The following SLC14A2 variants were observed in gnomAD, a reference collection of about 807,000 sequenced individuals.
SLC14A2 encodes solute carrier family 14 member 2, also known as urea transporter 2.
In SLC14A2, 91 loss-of-function variants were observed where a neutral mutation model predicts 104.6. That is an observed-to-expected ratio of 0.87 (90% CI 0.73 to 1.04). The LOEUF is 1.04. SLC14A2 is among the 50% of genes least tolerant of loss of function. The pLI, the probability that SLC14A2 is intolerant of heterozygous loss-of-function variation, is 0.00. For missense variants in SLC14A2, 1,189 were observed against 1,156.0 expected (o/e 1.03, Z -0.41); for synonymous variants, 476 against 466.4 (o/e 1.02, Z -0.27).
intron 1 of SLC14A2, among the ~76,000 whole-genome samples, chr18:45,412,961 G>A (rs769312724): frequency 3.3e-5 from 5 of 152,198 alleles, no homozygotes; most frequent in Non-Finnish European, 7.3e-5. Flanking sequence ...AAGCAAAAGT[G>A]CGGGGACCAG....
intron 1 of SLC14A2, among the ~76,000 whole-genome samples, chr18:45,259,939 T>G (rs928876629): frequency 2.6e-5 from 4 of 152,186 alleles, no homozygotes; most frequent in Non-Finnish European, 5.9e-5. Flanking sequence ...TGAATTTGTC[T>G]TCTCAGATAT....
intron 1 of SLC14A2, among the ~76,000 whole-genome samples, chr18:45,474,102 T>C (rs1304428443): frequency 6.6e-6 from 1 of 152,236 alleles, no homozygotes; most frequent in African/African-American, 2.4e-5. Context: ...TGTTGAATTT[T>C]ATTGAAGGCC....
chr18:45,634,961 G>C (rs922683001), intron 5 of SLC14A2: 4 of 445,096 alleles, frequency 9.0e-6, no homozygotes, highest in African/African-American at 4.0e-5. Context: ...TAAGAAGTGA[G>C]TGGGTCTGGG....
At chr18:45,181,799 GTTTAC>G in the SLC14A2 span, among the ~76,000 whole-genome samples, 35,499 of 151,830 alleles carry the variant, frequency 0.23, 4,432 homozygotes, top group Non-Finnish European at 0.3. Context: ...CAGAAAAACA[GTTTAC>G]TTTAATATAT....
intron 1 of SLC14A2, among the ~76,000 whole-genome samples, chr18:45,378,928 C>T (rs559039556): frequency 1.3e-5 from 2 of 152,100 alleles, no homozygotes; most frequent in Non-Finnish European, 2.9e-5. Flanking sequence ...GCATTTTGAT[C>T]AAATCAGCCT....
At chr18:45,227,301 G>C (rs2084129205) in intron 1 of SLC14A2, among the ~76,000 whole-genome samples, 1 of 152,122 alleles carries the variant, frequency 6.6e-6, no homozygotes, top group Non-Finnish European at 1.5e-5. Flanking sequence ...TGGTCAAAAA[G>C]AAGGACAAAA....
chr18:45,219,587 A>G (rs1485066297), intron 1 of SLC14A2, among the ~76,000 whole-genome samples: 1 of 152,246 alleles, frequency 6.6e-6, no homozygotes, highest in East Asian at 1.9e-4. Context: ...ATGCATTTGC[A>G]AAATAGCAAA....
intron 1 of SLC14A2, among the ~76,000 whole-genome samples, chr18:45,444,266 G>C (rs2086728315): frequency 6.6e-6 from 1 of 152,168 alleles, no homozygotes; most frequent in Non-Finnish European, 1.5e-5. Flanking sequence ...CTGAAGCTCT[G>C]CTCCTGCTTT....
At chr18:45,260,687 T>A (rs764369887) in intron 1 of SLC14A2, among the ~76,000 whole-genome samples, 9 of 152,162 alleles carry the variant, frequency 5.9e-5, no homozygotes, top group Non-Finnish European at 1.2e-4. Flanking sequence ...GAGGGCATTA[T>A]CCTTGAATTA....
intron 1 of SLC14A2, among the ~76,000 whole-genome samples, chr18:45,356,306 A>G (rs1455645831): frequency 6.6e-6 from 1 of 152,224 alleles, no homozygotes; most frequent in Non-Finnish European, 1.5e-5. Flanking sequence ...TGGATATAGA[A>G]CAGCCTTGTT....
intron 1 of SLC14A2, among the ~76,000 whole-genome samples, chr18:45,424,882 C>A (rs1008642802): frequency 1.3e-4 from 20 of 152,018 alleles, no homozygotes; most frequent in African/African-American, 4.8e-4. Flanking sequence ...ATTTAAAAAC[C>A]ATTACCTCAT....
intron 1 of SLC14A2, among the ~76,000 whole-genome samples, chr18:45,477,715 A>T (rs1264785122): frequency 6.6e-6 from 1 of 152,220 alleles, no homozygotes; most frequent in African/African-American, 2.4e-5. Context: ...CAGTCTGGCT[A>T]CAGCAGCTTT....
chr18:45,636,546 T>C (rs1255097821), intron 5 of SLC14A2, among the ~76,000 whole-genome samples: 1 of 152,222 alleles, frequency 6.6e-6, no homozygotes, highest in African/African-American at 2.4e-5. Context: ...CCATATGCCA[T>C]TGCAGCCTCC....
At chr18:45,620,020 C>T (rs986556292) in intron 1 of SLC14A2, among the ~76,000 whole-genome samples, 1 of 152,206 alleles carries the variant, frequency 6.6e-6, no homozygotes, top group South Asian at 2.1e-4. Context: ...GTGCTCCTTC[C>T]GGATGCGGAG....
intron 1 of SLC14A2, among the ~76,000 whole-genome samples, chr18:45,334,681 G>T (rs1297636582): frequency 6.6e-6 from 1 of 152,114 alleles, no homozygotes; most frequent in Non-Finnish European, 1.5e-5. Context: ...CATAAAATAG[G>T]TTAAAAATTT....
intron 16 of SLC14A2, 83 bp from the exon 17 acceptor site, chr18:45,672,817 G>A: frequency 7.7e-7 from 1 of 1,306,170 alleles, no homozygotes. Context: ...AGTGGGAAGG[G>A]TTCAGTGCCA....
At chr18:45,392,089 GGGACACGCAGAAA>G (rs1568179881) in intron 1 of SLC14A2, among the ~76,000 whole-genome samples, 1 of 152,184 alleles carries the variant, frequency 6.6e-6, no homozygotes, top group African/African-American at 2.4e-5. Context: ...AACTTGTCCT[GGGACACGCAGAAA>G]GTAGTGAAAG....
In SLC14A2 at chr18:45,667,916, ATCC is replaced by A. The variant is rs758003278; in HGVS notation, c.1804_1806del (p.Leu602del). On this transcript the variant is annotated inframe_deletion, in exon 14 of 20. Transcript: ENST00000255226. ...GTTTGTGAACAACCCCCTCAGCGGC[ATCC>A]TCATCATCCTCGGCCTCTTCATCCA... 6.2e-7 allele frequency: 1 copy of A among 1,614,074 alleles called. No individual in the cohort carries two copies.
intron 2 of SLC14A2, among the ~76,000 whole-genome samples, chr18:45,549,229 C>T (rs148254967): frequency 6.6e-6 from 1 of 152,250 alleles, no homozygotes; most frequent in Non-Finnish European, 1.5e-5. Context: ...TCCATCAATG[C>T]TCTGCCTTCG....
Sources: allele counts gnomAD v4.1 joint callset (sites outside exome capture counted in the v4.1 genomes callset), GRCh38; gene constraint gnomAD v4.1.1; transcripts MANE v1.5; gene names NCBI Gene and HGNC (gene_info 2026-07-23, HGNC 2026-07-21).